Variants in LINGO2 observed in about 807,000 individuals in gnomAD.
LINGO2 encodes the protein leucine rich repeat and Ig domain containing 2, also known as leucine-rich repeat and immunoglobulin-like domain-containing nogo receptor-interacting protein 2.
A neutral mutation model predicts 30.6 loss-of-function variants in LINGO2; 14 were observed. The observed-to-expected ratio is 0.46, with a 90% CI of 0.30 to 0.72. LINGO2 has a LOEUF of 0.72. Among genes scored for constraint, LINGO2 ranks in the 30% least tolerant of loss-of-function variants. The pLI is 0.07. For synonymous variants in LINGO2, 317 were observed against 288.5 expected, an observed-to-expected ratio of 1.10 and a Z score of -1.00; for missense variants, 729 against 751.7, an observed-to-expected ratio of 0.97 and a Z score of 0.35.
chr9:28,992,352 C>A, the LINGO2 span, among the ~76,000 whole-genome samples: 1 of 151,990 alleles, frequency 6.6e-6, no homozygotes, highest in African/African-American at 2.4e-5. Context: ...ACGGGAGCAC[C>A]CAAATTCATA....
chr9:28,013,928 TTC>T (rs1822686882), intron 4 of LINGO2, among the ~76,000 whole-genome samples: 1 of 152,190 alleles, frequency 6.6e-6, no homozygotes, highest in Non-Finnish European at 1.5e-5. Flanking sequence ...TTCTTTTCAA[TTC>T]TTTCTGCAGT....
At chr9:28,256,019 T>C (rs1822371835) in intron 4 of LINGO2, among the ~76,000 whole-genome samples, 1 of 152,050 alleles carries the variant, frequency 6.6e-6, no homozygotes, top group Admixed American at 6.6e-5. Context: ...TGTCCAAATA[T>C]ACACAGATAT....
rs1237209134 is a variant in LINGO2 at position 28,398,282 on chromosome 9, T to C, written c.-278-25414A>G. Among the ~76,000 whole-genome samples the C allele has an allele frequency of 3.3e-5, 5 of 152,268 alleles. No individual in the cohort carries two copies. The East Asian group carries it at 9.7e-4, about 29-fold the overall frequency. ...AATTTAGAAGGCGTTGAATGAAAAG[T>C]TTGGTTTTATCAGTTGCAAAGAGTT... On this transcript the variant is annotated intron_variant, in intron 2 of 5. Coordinates refer to ENST00000379992, the Ensembl canonical transcript of LINGO2.
chr9:28,641,087 G>T (rs1275934667), intron 1 of LINGO2, among the ~76,000 whole-genome samples: 1 of 152,096 alleles, frequency 6.6e-6, no homozygotes, highest in Admixed American at 6.5e-5. Flanking sequence ...AGGCTGGAGT[G>T]CAGTGGCGCA....
chr9:28,941,530 G>A, the LINGO2 span, among the ~76,000 whole-genome samples: 1 of 152,018 alleles, frequency 6.6e-6, no homozygotes, highest in Admixed American at 6.6e-5. Flanking sequence ...ACATATTATA[G>A]TACAATTGTT....
At chr9:28,930,096 T>C in the LINGO2 span, among the ~76,000 whole-genome samples, 1 of 152,202 alleles carries the variant, frequency 6.6e-6, no homozygotes, top group Admixed American at 6.5e-5. This position sits in a 1 kb window ranked among gnomAD's most constrained non-coding sequence, Gnocchi z 4.2. Context: ...TTTCACACTT[T>C]GTTCTTCAGG....
At chr9:29,028,739 G>A in the LINGO2 span, among the ~76,000 whole-genome samples, 2 of 152,064 alleles carry the variant, frequency 1.3e-5, no homozygotes, top group African/African-American at 2.4e-5. Context: ...AAAGGCATGA[G>A]GCCTAATTAC....
chr9:29,096,954 G>C, the LINGO2 span, among the ~76,000 whole-genome samples: 1 of 138,782 alleles, frequency 7.2e-6, no homozygotes, highest in African/African-American at 2.7e-5. Flanking sequence ...TCTTCAAAAT[G>C]AATACTACAG....
intron 1 of LINGO2, among the ~76,000 whole-genome samples, chr9:28,617,526 A>T (rs1225505683): frequency 6.6e-6 from 1 of 151,744 alleles, no homozygotes; most frequent in East Asian, 1.9e-4. Context: ...CGATCTCCTG[A>T]CCTCGTGATC....
At chr9:27,977,844 A>G (rs984899323) in intron 5 of LINGO2, among the ~76,000 whole-genome samples, 5 of 151,926 alleles carry the variant, frequency 3.3e-5, no homozygotes, top group Non-Finnish European at 7.4e-5. Flanking sequence ...GAGTGACTGC[A>G]ACTATTTTGA....
At chr9:28,977,571 C>T in the LINGO2 span, among the ~76,000 whole-genome samples, 4 of 152,052 alleles carry the variant, frequency 2.6e-5, no homozygotes, top group Non-Finnish European at 5.9e-5. Context: ...CACAGTTTTG[C>T]TGCATTGCCC....
At chr9:28,499,830 C>T (rs941194553) in intron 1 of LINGO2, among the ~76,000 whole-genome samples, 1 of 152,132 alleles carries the variant, frequency 6.6e-6, no homozygotes, top group African/African-American at 2.4e-5. Context: ...TCACAGGAAG[C>T]CTTTCTAGAC....
At chr9:28,061,937 C>G (rs747688169) in intron 4 of LINGO2, among the ~76,000 whole-genome samples, 4 of 152,042 alleles carry the variant, frequency 2.6e-5, no homozygotes, top group African/African-American at 7.2e-5. Context: ...GCATTTTTCA[C>G]AGTGCCTGGC....
intron 1 of LINGO2, among the ~76,000 whole-genome samples, chr9:28,494,116 T>C (rs1336199295): frequency 6.6e-6 from 1 of 152,178 alleles, no homozygotes; most frequent in Non-Finnish European, 1.5e-5. Flanking sequence ...TGAGAATAAA[T>C]ATTAACATAT....
intron 4 of LINGO2, among the ~76,000 whole-genome samples, chr9:28,233,056 A>ATC (rs1217104626): frequency 8.1e-6 from 1 of 123,790 alleles, no homozygotes; most frequent in East Asian, 2.2e-4. Context: ...ATATATATAT[A>ATC]TATATTAGAT....
chr9:28,830,085 T>C, the LINGO2 span, among the ~76,000 whole-genome samples: 14 of 152,238 alleles, frequency 9.2e-5, no homozygotes, highest in African/African-American at 3.1e-4. Flanking sequence ...ATTGCTATAA[T>C]AACGATAAAA....
chr9:28,454,154 G>T (rs1369071156), intron 2 of LINGO2, among the ~76,000 whole-genome samples: 2 of 152,024 alleles, frequency 1.3e-5, no homozygotes, highest in African/African-American at 4.8e-5. Flanking sequence ...CACAAATCCT[G>T]TTAAGACATT....
chr9:29,091,967 C>T, the LINGO2 span, among the ~76,000 whole-genome samples: 1,370 of 151,976 alleles, frequency 9.0e-3, 27 homozygotes, highest in African/African-American at 0.031. Context: ...TATATGTGGT[C>T]CTAAATAGAT....
intron 1 of LINGO2, among the ~76,000 whole-genome samples, chr9:28,494,560 T>A (rs185752132): frequency 1.1e-3 from 165 of 152,332 alleles, no homozygotes; most frequent in African/African-American, 3.8e-3. Context: ...TCCTTTTTTA[T>A]GGCTGCATAA....
Sources: gnomAD v4.1 joint callset for allele counts (sites outside exome capture counted in the v4.1 genomes callset) on GRCh38, gnomAD v4.1.1 for gene constraint, Gnocchi (gnomAD v3.1) non-coding constraint, MANE v1.5 for transcripts, NCBI Gene and HGNC (gene_info 2026-07-23, HGNC 2026-07-21) for gene names.